DMD: variants seen among roughly 807,000 people sequenced by gnomAD.
DMD encodes dystrophin.
Under a neutral mutation model 330.1 loss-of-function variants are expected in DMD, and 63 were observed. The observed-to-expected ratio is 0.19, with a 90% CI of 0.16 to 0.24. The LOEUF is 0.24. Ranked by LOEUF, DMD falls within the 10% of genes least tolerant of loss-of-function variation. The probability of loss-of-function intolerance (pLI) is 1.00; values close to 1 mark genes in which losing one functional copy is unlikely to be tolerated. For synonymous variants in DMD, 1,223 were observed against 959.8 expected (o/e 1.27, Z -5.07); for missense variants, 3,344 against 2,684.1 (o/e 1.25, Z -5.43).
chrX:32,675,697 C>A (rs758494089), intron 9 of DMD, among the ~76,000 whole-genome samples: 11 of 111,260 alleles, frequency 9.9e-5, no homozygotes, highest in Admixed American at 6.7e-4. Context: ...GTGTTCAAAT[C>A]CTGGCACAGC....
rs756766474 is a variant in DMD, at chrX:32,441,187, A to G, written c.3914T>C (p.Val1305Ala). 3.3e-6 allele frequency: 4 copies of G among 1,208,911 alleles called. No individual in the cohort carries two copies. The highest frequency in any genetic ancestry group is 3.0e-5 in the East Asian group (1 of 33,726). The change falls in exon 28 of 79, where the codon GTG (valine) becomes GCG (alanine). Residue 1305 changes from valine to alanine, a missense_variant. Transcript: ENST00000357033. ...GCTTAATTTACAACTTACATCTAGCACCTCAGAGATTTCCTCAGCTCCGCC... is the reference window on the plus strand; with the variant it reads ...GCTTAATTTACAACTTACATCTAGCGCCTCAGAGATTTCCTCAGCTCCGCC... ...IPGGAEEISE[V>A]LDSLENLMRH...
At chrX:32,649,140 T>C (rs184155561) in intron 9 of DMD, among the ~76,000 whole-genome samples, 48 of 109,431 alleles carry the variant, frequency 4.4e-4, no homozygotes, top group African/African-American at 8.0e-4. Flanking sequence ...TCCCCCAAAA[T>C]TGAGTACACT....
intron 13 of DMD, among the ~76,000 whole-genome samples, chrX:32,578,090 T>C (rs1378704556): frequency 8.9e-6 from 1 of 112,148 alleles, no homozygotes; most frequent in Admixed American, 9.5e-5. Context: ...ATTGCCTGAA[T>C]GGCTATAACA....
intron 72 of DMD, among the ~76,000 whole-genome samples, chrX:31,172,662 G>T (rs764544926): frequency 7.2e-5 from 8 of 111,665 alleles, no homozygotes; most frequent in Admixed American, 9.5e-5. Flanking sequence ...TCCCCCTACA[G>T]ATCAGTCTTG....
chrX:32,439,351 T>A (rs1433698092), intron 28 of DMD, among the ~76,000 whole-genome samples: 1 of 111,121 alleles, frequency 9.0e-6, no homozygotes, highest in African/African-American at 3.3e-5. Context: ...ACATTTATAT[T>A]AAAAAAAATC....
At chrX:33,153,351 C>T (rs949622640) in intron 1 of DMD, among the ~76,000 whole-genome samples, 2 of 112,537 alleles carry the variant, frequency 1.8e-5, no homozygotes, top group Non-Finnish European at 3.8e-5. Context: ...GTGGAGGTTG[C>T]GGAGAGCCGA....
intron 13 of DMD, among the ~76,000 whole-genome samples, chrX:32,590,340 G>C (rs1601941575): frequency 8.9e-6 from 1 of 112,033 alleles, no homozygotes; most frequent in East Asian, 2.8e-4. Context: ...TTTCCTTCTT[G>C]AAAATAGAAT....
At chrX:31,180,764 G>C (rs745861902) in intron 68 of DMD, among the ~76,000 whole-genome samples, 97 of 111,621 alleles carry the variant, frequency 8.7e-4, no homozygotes, top group African/African-American at 3.0e-3. Context: ...AGATTAAGTA[G>C]GAAGGTACTG....
chrX:32,687,991 T>G (rs758550038), intron 9 of DMD, among the ~76,000 whole-genome samples: 1 of 111,662 alleles, frequency 9.0e-6, no homozygotes, highest in East Asian at 2.8e-4. Context: ...AAAAAAGTAT[T>G]AAAATAAATG....
intron 41 of DMD, among the ~76,000 whole-genome samples, chrX:32,316,855 G>A (rs1391336830): frequency 9.0e-6 from 1 of 110,669 alleles, no homozygotes; most frequent in Admixed American, 9.7e-5. Flanking sequence ...ACAGTCATGC[G>A]AATCTATAAT....
At chrX:32,845,091 A>AT (rs1948539626) in intron 3 of DMD, among the ~76,000 whole-genome samples, 1 of 112,026 alleles carries the variant, frequency 8.9e-6, no homozygotes, top group Non-Finnish European at 1.9e-5. Context: ...TACAAAGCCT[A>AT]TTTTGGTATG....
chrX:32,343,058 C>T (rs1048891975), intron 40 of DMD, 76 bp downstream of exon 40: 11 of 1,017,707 alleles, frequency 1.1e-5, no homozygotes, highest in East Asian at 3.1e-5. Context: ...AGAACATCAA[C>T]ATTTTAAATA....
intron 55 of DMD, among the ~76,000 whole-genome samples, chrX:31,588,372 C>T (rs999513998): frequency 9.0e-6 from 1 of 111,281 alleles, no homozygotes; most frequent in Non-Finnish European, 1.9e-5. Context: ...TGTTGTTACA[C>T]CAAACCAATA....
At chrX:32,338,801 G>A (rs1255604144) in intron 41 of DMD, among the ~76,000 whole-genome samples, 11 of 111,328 alleles carry the variant, frequency 9.9e-5, no homozygotes, top group Non-Finnish European at 2.1e-4. Flanking sequence ...AATGATGTGA[G>A]GGGCAGTTTA....
chrX:32,917,533 T>A (rs1331457165), intron 2 of DMD, among the ~76,000 whole-genome samples: 1 of 111,844 alleles, frequency 8.9e-6, no homozygotes, highest in South Asian at 3.7e-4. Context: ...TTCCTAAGGC[T>A]ATGCTTTTTC....
At chrX:31,329,304 G>A (rs181542243) in intron 61 of DMD, among the ~76,000 whole-genome samples, 5 of 111,528 alleles carry the variant, frequency 4.5e-5, no homozygotes, top group Non-Finnish European at 9.4e-5. Context: ...AAGGAAGATC[G>A]TACAAAGAGA....
intron 7 of DMD, among the ~76,000 whole-genome samples, chrX:32,798,890 A>T (rs1014791505): frequency 1.8e-5 from 2 of 111,531 alleles, no homozygotes; most frequent in African/African-American, 6.5e-5. Context: ...AACCCTCTCA[A>T]TTTTAACCTG....
At chrX:32,229,085 T>C (rs1468726676) in intron 43 of DMD, among the ~76,000 whole-genome samples, 1 of 110,939 alleles carries the variant, frequency 9.0e-6, no homozygotes, top group Admixed American at 9.6e-5. Context: ...TGTATGTTTT[T>C]TGTTTCTTGT....
chrX:33,043,298 T>A (rs1343784965), intron 1 of DMD, among the ~76,000 whole-genome samples: 2 of 111,652 alleles, frequency 1.8e-5, no homozygotes, highest in Non-Finnish European at 3.8e-5. Context: ...AGGCTTTTTT[T>A]AGTAGCTTCA....
Sources: allele counts gnomAD v4.1 joint callset (sites outside exome capture counted in the v4.1 genomes callset), GRCh38; gene constraint gnomAD v4.1.1; transcripts MANE v1.5; gene names NCBI Gene and HGNC (gene_info 2026-07-23, HGNC 2026-07-21).